Variants in COL23A1 observed in about 807,000 individuals in gnomAD.
The protein encoded by COL23A1 is collagen type XXIII alpha 1 chain, also known as collagen alpha-1(XXIII) chain.
In COL23A1, 97 loss-of-function variants were observed where a neutral mutation model predicts 99.3. That is an observed-to-expected ratio of 0.98 (90% CI 0.83 to 1.16). The LOEUF is 1.16. COL23A1 is among the 50% of genes most tolerant of loss of function. The pLI is 0.00. For missense variants in COL23A1, 762 were observed against 757.4 expected (o/e 1.01, Z -0.07); for synonymous variants, 320 against 308.2 (o/e 1.04, Z -0.40).
At chr5:178,296,357 C>G (rs747636915) in intron 3 of COL23A1, among the ~76,000 whole-genome samples, 1 of 152,158 alleles carries the variant, frequency 6.6e-6, no homozygotes. Context: ...TCATGTAACC[C>G]CTGCTGCAAC....
chr5:178,577,231 G>C (rs186890653), intron 1 of COL23A1, among the ~76,000 whole-genome samples: 5 of 152,184 alleles, frequency 3.3e-5, no homozygotes, highest in African/African-American at 9.6e-5. Flanking sequence ...GTCCTGGCGG[G>C]GCCTGCTTCT....
chr5:178,291,290 T>C (rs1335441433), intron 3 of COL23A1, among the ~76,000 whole-genome samples: 2 of 152,044 alleles, frequency 1.3e-5, no homozygotes, highest in East Asian at 3.9e-4. Flanking sequence ...CCAGGAGCCA[T>C]GGGGGTAACT....
intron 2 of COL23A1, among the ~76,000 whole-genome samples, chr5:178,540,172 T>C (rs370229290): frequency 1.3e-5 from 2 of 151,742 alleles, no homozygotes; most frequent in African/African-American, 4.9e-5. Flanking sequence ...TCTTAGACAA[T>C]CAATTAATCA....
At chr5:178,527,536 G>A (rs1401098032) in intron 2 of COL23A1, among the ~76,000 whole-genome samples, 1 of 152,220 alleles carries the variant, frequency 6.6e-6, no homozygotes, top group African/African-American at 2.4e-5. Flanking sequence ...CGGGTGGATG[G>A]TGTGTCCCAA....
At chr5:178,350,464 A>G (rs1761257901) in intron 2 of COL23A1, among the ~76,000 whole-genome samples, 1 of 152,110 alleles carries the variant, frequency 6.6e-6, no homozygotes, top group African/African-American at 2.4e-5. Context: ...TCAGGAAGCA[A>G]GGCTGGATGA....
chr5:178,434,641 G>C lies in COL23A1; in HGVS notation c.361+126041C>G, dbSNP rs1205443454. Among the ~76,000 whole-genome samples the C allele has an allele frequency of 6.6e-6, 1 of 152,212 alleles. No homozygotes were observed. Among genetic ancestry groups the C allele is most frequent in the East Asian group, 1.9e-4 (1 of 5,198 alleles). On this transcript the variant is annotated intron_variant, in intron 2 of 28. Transcript: ENST00000390654. This position sits in a 1 kb window ranked among gnomAD's most constrained non-coding sequence, Gnocchi z 4.3. ...CCCAGGTGGGTAATCTGGAGACAGT[G>C]GGGGGCTCTGGCCCTGGTGCTGCTG...
chr5:178,257,685 A>G, intron 12 of COL23A1, 118 bp from the exon 13 acceptor site: 3 of 1,011,566 alleles, frequency 3.0e-6, no homozygotes, highest in Non-Finnish European at 4.5e-6. Context: ...GGCACATGGT[A>G]CCAGGCAGCT....
At chr5:178,574,829 C>A (rs1763271745) in intron 1 of COL23A1, among the ~76,000 whole-genome samples, 1 of 152,200 alleles carries the variant, frequency 6.6e-6, no homozygotes. Flanking sequence ...CACCATCCAC[C>A]TGACTTCTCT....
chr5:178,467,096 G>C (rs1281470197), intron 2 of COL23A1, among the ~76,000 whole-genome samples: 2 of 152,262 alleles, frequency 1.3e-5, no homozygotes, highest in Non-Finnish European at 2.9e-5. Flanking sequence ...AGAAACTCGT[G>C]AGAAGGTGAG....
intron 2 of COL23A1, among the ~76,000 whole-genome samples, chr5:178,454,994 C>A (rs1767688252): frequency 6.6e-6 from 1 of 152,222 alleles, no homozygotes; most frequent in African/African-American, 2.4e-5. Flanking sequence ...GTGTCCTTGG[C>A]CAGCAGCTGG....
rs2033204 is a variant in COL23A1 at position 178,280,203 on chromosome 5, C to T, written c.441+8121G>A. Among the ~76,000 whole-genome samples, 30,343 of 152,202 alleles carry T rather than the reference C, an allele frequency of 0.2. 3,220 individuals are homozygous for T. The highest frequency in any genetic ancestry group is 0.43 in the East Asian group (2,200 of 5,140). ...CTGGCGGACTCTTGCGCTGGACTCC[C>T]GCCCTCGGGCCACAGCCTGGGCGAT... On this transcript the variant is annotated intron_variant, in intron 5 of 28. Coordinates refer to ENST00000390654, the MANE Select transcript of COL23A1 (RefSeq NM_173465.4). This position sits in a 1 kb window ranked among gnomAD's most constrained non-coding sequence, Gnocchi z 4.9.
intron 2 of COL23A1, among the ~76,000 whole-genome samples, chr5:178,466,772 G>A (rs1203629976): frequency 2.6e-5 from 4 of 152,352 alleles, no homozygotes; most frequent in South Asian, 2.1e-4. Context: ...AGCTGGGAAG[G>A]ACTGTTGGAG....
intron 2 of COL23A1, among the ~76,000 whole-genome samples, chr5:178,347,724 T>C (rs1397776070): frequency 1.3e-5 from 2 of 150,428 alleles, no homozygotes; most frequent in African/African-American, 2.4e-5. Flanking sequence ...CTACTAAAAG[T>C]ACAAAAATTA....
At chr5:178,488,386 C>T (rs1757744482) in intron 2 of COL23A1, among the ~76,000 whole-genome samples, 1 of 152,096 alleles carries the variant, frequency 6.6e-6, no homozygotes, top group African/African-American at 2.4e-5. Context: ...AATCCCTGAC[C>T]CCAGACCCGG....
intron 2 of COL23A1, among the ~76,000 whole-genome samples, chr5:178,330,584 T>G (rs925004848): frequency 6.6e-6 from 1 of 151,710 alleles, no homozygotes; most frequent in African/African-American, 2.4e-5. Flanking sequence ...AGCTGAGGAG[T>G]TTGAGGTTGC....
chr5:178,385,337 C>T (rs767298260), intron 2 of COL23A1, among the ~76,000 whole-genome samples: 5 of 152,228 alleles, frequency 3.3e-5, no homozygotes, highest in Non-Finnish European at 5.9e-5. Flanking sequence ...GAGGGAAACA[C>T]CCCTGCTCTA....
At chr5:178,442,437 G>A (rs1337442846) in intron 2 of COL23A1, among the ~76,000 whole-genome samples, 6 of 152,114 alleles carry the variant, frequency 3.9e-5, no homozygotes, top group East Asian at 1.9e-4. Context: ...TTTGAGAAAC[G>A]TTTTACCCCT....
chr5:178,489,289 T>G (rs139468698), intron 2 of COL23A1, among the ~76,000 whole-genome samples: 17 of 152,340 alleles, frequency 1.1e-4, no homozygotes, highest in Admixed American at 1.0e-3. Flanking sequence ...CCCTTGGACA[T>G]CAGGCTTCAG....
At chr5:178,289,147 A>G (rs1757318311) in intron 4 of COL23A1, among the ~76,000 whole-genome samples, 1 of 152,070 alleles carries the variant, frequency 6.6e-6, no homozygotes, top group Non-Finnish European at 1.5e-5. Flanking sequence ...GGCTGCATGC[A>G]CCGAGAAGCC....
Sources: gnomAD v4.1 joint callset for allele counts (sites outside exome capture counted in the v4.1 genomes callset) on GRCh38, gnomAD v4.1.1 for gene constraint, Gnocchi (gnomAD v3.1) non-coding constraint, MANE v1.5 for transcripts, NCBI Gene and HGNC (gene_info 2026-07-23, HGNC 2026-07-21) for gene names.